FTO: variants seen among roughly 807,000 people sequenced by gnomAD.
FTO encodes the protein FTO alpha-ketoglutarate dependent dioxygenase.
In FTO, 47 loss-of-function variants were observed where a neutral mutation model predicts 63.9. The ratio of observed to expected loss-of-function variants is 0.74; its 90% confidence interval spans 0.58 to 0.94. The LOEUF (loss-of-function observed/expected upper bound fraction) is 0.94. Among genes scored for constraint, FTO ranks in the 40% least tolerant of loss-of-function variants. The pLI, the probability that FTO is intolerant of heterozygous loss-of-function variation, is 0.00. For missense variants in FTO, 562 were observed against 618.1 expected, an observed-to-expected ratio of 0.91 and a Z score of 0.96; for synonymous variants, 207 against 224.4, an observed-to-expected ratio of 0.92 and a Z score of 0.69.
chr16:53,910,790 C>T (rs1183933988), intron 7 of FTO, among the ~76,000 whole-genome samples: 2 of 152,214 alleles, frequency 1.3e-5, no homozygotes, highest in African/African-American at 2.4e-5. Context: ...CCTGCCTCGA[C>T]GTCCCAAAGT....
At chr16:53,967,142 C>G (rs1240664838) in intron 8 of FTO, among the ~76,000 whole-genome samples, 1 of 152,072 alleles carries the variant, frequency 6.6e-6, no homozygotes, top group Non-Finnish European at 1.5e-5. Context: ...TTATTTTCCC[C>G]TTTTTTTGCA....
chr16:54,084,972 G>A (rs79812574), intron 8 of FTO, among the ~76,000 whole-genome samples: 3,814 of 152,298 alleles, frequency 0.025, 162 homozygotes, highest in African/African-American at 0.087. Context: ...AAAGTCATGT[G>A]CCTCTTGGGC....
intron 1 of FTO, among the ~76,000 whole-genome samples, chr16:53,730,997 A>G (rs1361430817): frequency 6.6e-6 from 1 of 152,220 alleles, no homozygotes; most frequent in Non-Finnish European, 1.5e-5. Context: ...AGAACAACGG[A>G]GTTAAAGATA....
At chr16:53,845,406 G>A (rs1048972860) in intron 4 of FTO, among the ~76,000 whole-genome samples, 4 of 152,154 alleles carry the variant, frequency 2.6e-5, no homozygotes, top group African/African-American at 9.7e-5. Context: ...ATGAATCTTG[G>A]TTCTTGCCTT....
intron 1 of FTO, among the ~76,000 whole-genome samples, chr16:53,804,023 A>G (rs1370496221): frequency 6.6e-6 from 1 of 152,248 alleles, no homozygotes; most frequent in Non-Finnish European, 1.5e-5. Flanking sequence ...ACATGAGTAA[A>G]TAACAACAAC....
At chr16:54,064,692 A>C (rs1426184146) in intron 8 of FTO, among the ~76,000 whole-genome samples, 4 of 152,184 alleles carry the variant, frequency 2.6e-5, no homozygotes, top group Non-Finnish European at 5.9e-5. Context: ...TACAACCCAC[A>C]GCATTCGATT....
At chr16:54,058,671 T>G (rs1295040541) in intron 8 of FTO, among the ~76,000 whole-genome samples, 1 of 152,174 alleles carries the variant, frequency 6.6e-6, no homozygotes, top group Non-Finnish European at 1.5e-5. Flanking sequence ...TATAACTGAT[T>G]TAAGTGGGGA....
At chr16:53,881,122 AAAATAAATAAAT>A (rs60470419) in intron 6 of FTO, among the ~76,000 whole-genome samples, 2 of 145,478 alleles carry the variant, frequency 1.4e-5, no homozygotes, top group Non-Finnish European at 3.0e-5. Flanking sequence ...ACTCCGTCTC[AAAATAAATAAAT>A]AAATAAATAA....
chr16:53,847,749 G>C (rs1287849614), intron 4 of FTO, among the ~76,000 whole-genome samples: 1 of 149,472 alleles, frequency 6.7e-6, no homozygotes, highest in African/African-American at 2.5e-5. Context: ...GTCTGGGCAA[G>C]AAGAGGGAAA....
chr16:53,978,319 G>A (rs1229738294), intron 8 of FTO, among the ~76,000 whole-genome samples: 1 of 152,154 alleles, frequency 6.6e-6, no homozygotes, highest in Non-Finnish European at 1.5e-5. Flanking sequence ...TTGGATGCCA[G>A]GAGTCCTAAG....
At chr16:54,030,726 A>G (rs2084809037) in intron 8 of FTO, among the ~76,000 whole-genome samples, 1 of 152,238 alleles carries the variant, frequency 6.6e-6, no homozygotes, top group Admixed American at 6.5e-5. Context: ...CCCAGAGAGT[A>G]TACTATCTGT....
At chr16:53,881,851 A>G (rs1044515589) in intron 6 of FTO, among the ~76,000 whole-genome samples, 1 of 152,238 alleles carries the variant, frequency 6.6e-6, no homozygotes, top group Non-Finnish European at 1.5e-5. Flanking sequence ...TAGCCAAAAG[A>G]AAAAGTATCC....
intron 2 of FTO, among the ~76,000 whole-genome samples, chr16:53,810,819 C>A (rs2078500251): frequency 6.6e-6 from 1 of 152,176 alleles, no homozygotes; most frequent in Non-Finnish European, 1.5e-5. Flanking sequence ...AAAGATGTCA[C>A]CCGATCACTG....
At chr16:54,041,819 C>T (rs1357594998) in intron 8 of FTO, among the ~76,000 whole-genome samples, 1 of 152,228 alleles carries the variant, frequency 6.6e-6, no homozygotes, top group Non-Finnish European at 1.5e-5. Context: ...TTCTGCAAGA[C>T]ACACGATGGA....
At chr16:53,708,230 G>A (rs915267780) in intron 1 of FTO, among the ~76,000 whole-genome samples, 3 of 152,158 alleles carry the variant, frequency 2.0e-5, no homozygotes, top group African/African-American at 7.2e-5. Context: ...GCCAGGAGTG[G>A]TGGCACATGC....
intron 8 of FTO, chr16:54,061,527 A>T (rs980297468): frequency 1.6e-5 from 2 of 127,688 alleles, no homozygotes; most frequent in South Asian, 2.6e-4. Context: ...GAACCTGTTT[A>T]AAAAAACTCA....
chr16:54,110,012 C>CCA (rs2086845057), intron 8 of FTO, among the ~76,000 whole-genome samples: 1 of 152,178 alleles, frequency 6.6e-6, no homozygotes, highest in African/African-American at 2.4e-5. Flanking sequence ...AGAGAAAGCA[C>CCA]AATTTTAAAA....
chr16:53,918,038 CT>C (rs1349496122), intron 7 of FTO, among the ~76,000 whole-genome samples: 1 of 152,084 alleles, frequency 6.6e-6, no homozygotes. Flanking sequence ...TTATTCTTAT[CT>C]TAATAATAAT....
intron 1 of FTO, among the ~76,000 whole-genome samples, chr16:53,795,719 A>G (rs539123974): frequency 6.6e-6 from 1 of 152,224 alleles, no homozygotes; most frequent in Non-Finnish European, 1.5e-5. Context: ...TTTAAGGGAT[A>G]TAGAGGAAAA....
Sources: allele counts gnomAD v4.1 joint callset (sites outside exome capture counted in the v4.1 genomes callset), GRCh38; gene constraint gnomAD v4.1.1; transcripts MANE v1.5; gene names NCBI Gene and HGNC (gene_info 2026-07-23, HGNC 2026-07-21).